Variants in DTX1 observed in about 807,000 individuals in gnomAD.
DTX1 encodes deltex E3 ubiquitin ligase 1.
In DTX1, 26 loss-of-function variants were observed where a neutral mutation model predicts 57.8. The ratio of observed to expected loss-of-function variants is 0.45; its 90% CI spans 0.33 to 0.62. The LOEUF (loss-of-function observed/expected upper bound fraction) is 0.62, where lower values mean the gene tolerates loss of function less well. DTX1 is among the 20% of genes least tolerant of loss of function. The probability of loss-of-function intolerance (pLI) is 0.02; values close to 1 mark genes in which losing one functional copy is unlikely to be tolerated. For synonymous variants in DTX1, 398 were observed against 394.1 expected, an observed-to-expected ratio of 1.01 and a Z score of -0.12; for missense variants, 704 against 895.3, an observed-to-expected ratio of 0.79 and a Z score of 2.73.
chr12:113,058,358 G>C lies in DTX1; in HGVS notation c.166G>C (p.Ala56Pro), dbSNP rs200220437. ...HHIENVLKEDARGSVVLGQVD... is the reference protein window; with the variant it reads ...HHIENVLKEDPRGSVVLGQVD... The stretch of plus-strand genomic sequence containing the variant: ...CATTGAGAACGTGCTGAAGGAGGAC[G>C]CTCGCGGTTCCGTGGTCCTGGGGCA... Residue 56 changes from alanine to proline, a missense_variant, in exon 2 of 10, where the codon GCT (alanine) becomes CCT (proline). Ala to Pro is a conservative substitution (Grantham distance 27). Around this residue, in one of 3 missense-constraint regions of DTX1, gnomAD observed 237 missense variants for 328.6 expected, o/e 0.72. Transcript: ENST00000548759. The C allele has an allele frequency of 6.2e-7, 1 of 1,612,648 alleles. No individual in the cohort carries two copies. Among genetic ancestry groups the C allele is most frequent in the Non-Finnish European group, 8.5e-7 (1 of 1,180,008 alleles).
At chr12:113,064,536 A>T (rs927352961) in intron 2 of DTX1, among the ~76,000 whole-genome samples, 2 of 152,214 alleles carry the variant, frequency 1.3e-5, no homozygotes, top group African/African-American at 4.8e-5. Flanking sequence ...GCAAATGCAT[A>T]TCATGGAAAT....
Position 113,096,892 on chromosome 12 carries a change from G to T in DTX1, c.1816G>T (p.Ala606Ser). The T allele has an allele frequency of 6.2e-7, 1 of 1,613,242 alleles. No homozygotes were observed. The change falls in exon 10 of 10, where the codon GCT (alanine) becomes TCT (serine). Residue 606 changes from alanine to serine, a missense_variant. By Grantham distance (99) the Ala-to-Ser change is moderately conservative. Transcript: ENST00000548759. The part of the protein sequence containing the change: ...PDASYLDNVL[A>S]ELTAQGVSEA... ...CGCTAGCTACCTAGACAACGTGCTGGCTGAGCTCACAGCCCAGGGCGTATC... is the reference window on the plus strand; with the variant it reads ...CGCTAGCTACCTAGACAACGTGCTGTCTGAGCTCACAGCCCAGGGCGTATC...
intron 2 of DTX1, among the ~76,000 whole-genome samples, chr12:113,076,485 C>T (rs1333278286): frequency 6.7e-6 from 1 of 148,570 alleles, no homozygotes; most frequent in Non-Finnish European, 1.5e-5. Context: ...AAAGTGGGGC[C>T]GGTCATGGTG....
chr12:113,077,751 C>G lies in DTX1; in HGVS notation c.587C>G (p.Ser196Trp). 6.5e-7 allele frequency: 1 copy of G among 1,530,500 alleles called. No individual in the cohort carries two copies. Among genetic ancestry groups the G allele is most frequent in the Non-Finnish European group, 8.7e-7 (1 of 1,143,834 alleles). The allele number at this position is 1,530,500 out of a possible 1,614,324, so 94.8% of individuals were successfully genotyped here. A position where few individuals can be genotyped will look rare whatever the true frequency, so the allele number is the denominator to read the frequency against. The change falls in exon 3 of 10, where the codon TCG (serine) becomes TGG (tryptophan). Residue 196 changes from serine (S) to tryptophan (W), a missense_variant. This residue lies in a region of DTX1 where 237 missense variants were observed against 328.6 expected (regional missense o/e 0.72). Coordinates refer to ENST00000548759, the MANE Select transcript of DTX1 (RefSeq NM_004416.3). The surrounding 1 kb of genome is among the most constrained non-coding windows in gnomAD (Gnocchi z 7.8). The stretch of plus-strand genomic sequence containing the variant: ...CAGTCGTGGCCCGTGGGCGCCAGCT[C>G]GGGCCAGCCCTGCTCCTGCCAGCAG... ...KSQSWPVGAS[S>W]GQPCSCQQCL...
intron 2 of DTX1, among the ~76,000 whole-genome samples, chr12:113,076,644 C>CA (rs777328428): frequency 1.2e-4 from 18 of 151,948 alleles, no homozygotes; most frequent in Non-Finnish European, 1.6e-4. Flanking sequence ...TGACTGCAGG[C>CA]ACGAATGAAT....
Position 113,093,615 on chromosome 12 carries a change from G to A in DTX1, c.1080G>A (p.Pro360=), listed in dbSNP as rs760866691. ...GGGCCCCCAAGCCCATCCTGCACCCGCCGCCCGTGAGCAAGAGCGACGTGA... is the reference window on the plus strand; with the variant it reads ...GGGCCCCCAAGCCCATCCTGCACCCACCGCCCGTGAGCAAGAGCGACGTGA... ...LTRAPKPILH[P]PPVSKSDVKP... The change falls in exon 5 of 10, where the codon CCG becomes CCA. Residue 360 remains proline (P), a synonymous_variant. Coordinates refer to ENST00000548759, the MANE Select transcript of DTX1 (RefSeq NM_004416.3). This position sits in a 1 kb window ranked among gnomAD's most constrained non-coding sequence, Gnocchi z 4.2. The A allele has an allele frequency of 9.9e-6, 16 of 1,612,818 alleles. No homozygotes were observed. Among genetic ancestry groups the A allele is most frequent in the South Asian group, 3.3e-5 (3 of 91,038 alleles).
At chr12:113,075,154 A>G (rs2044762643) in intron 2 of DTX1, among the ~76,000 whole-genome samples, 1 of 152,226 alleles carries the variant, frequency 6.6e-6, no homozygotes, top group African/African-American at 2.4e-5. Context: ...GCAGTCTTCT[A>G]TTGCATGTCT....
intron 2 of DTX1, among the ~76,000 whole-genome samples, chr12:113,075,096 T>G (rs1306627510): frequency 6.6e-6 from 1 of 152,144 alleles, no homozygotes; most frequent in Non-Finnish European, 1.5e-5. Flanking sequence ...TCTCAATTGA[T>G]CCTCTCAGCA....
intron 2 of DTX1, among the ~76,000 whole-genome samples, chr12:113,068,754 G>A (rs908691552): frequency 3.3e-5 from 5 of 152,198 alleles, no homozygotes; most frequent in South Asian, 2.1e-4. Flanking sequence ...TCCCCCCGGC[G>A]CCATGTGAGA....
intron 2 of DTX1, among the ~76,000 whole-genome samples, chr12:113,067,490 T>C (rs544912079): frequency 6.6e-6 from 1 of 152,288 alleles, no homozygotes; most frequent in East Asian, 1.9e-4. Context: ...AGGCTGCAAA[T>C]TCAGATGCTT....
rs139652234 is a variant in DTX1 at position 113,086,727 on chromosome 12, A to G, written c.942-6435A>G. ...AAAAATCCACATTTTCTTTCTCCAG[A>G]TCTTCCATAAGTATTACATTTCAGG... On this transcript the variant is annotated intron_variant, in intron 3 of 9. Transcript: ENST00000548759. Among the ~76,000 whole-genome samples the G allele has an allele frequency of 4.3e-3, 646 of 151,864 alleles. 5 individuals carry two copies. Among genetic ancestry groups the G allele is most frequent in the African/African-American group, 0.015 (602 of 41,372 alleles).
Position 113,096,912 on chromosome 12 carries a change from C to T in DTX1, c.1836C>T (p.Gly612=), listed in dbSNP as rs748466176. The part of the protein sequence containing the change: ...DNVLAELTAQ[G]VSEAAAKA ...TGCTGGCTGAGCTCACAGCCCAGGG[C>T]GTATCCGAGGCTGCAGCCAAGGCTT... Residue 612 remains glycine (G), a synonymous_variant, in exon 10 of 10, where the codon GGC becomes GGT. Coordinates refer to ENST00000548759, the MANE Select transcript of DTX1 (RefSeq NM_004416.3). 5.0e-6 allele frequency: 8 copies of T among 1,612,146 alleles called. No individual in the cohort carries two copies. The highest frequency in any genetic ancestry group is 1.3e-5 in the African/African-American group (1 of 74,934).
chr12:113,083,809 C>A (rs1372580621), intron 3 of DTX1, among the ~76,000 whole-genome samples: 1 of 152,104 alleles, frequency 6.6e-6, no homozygotes, highest in Non-Finnish European at 1.5e-5. Flanking sequence ...TCCTTCTGTC[C>A]ACCCTCCTTC....
At chr12:113,062,055 AC>A (rs2044668415) in intron 2 of DTX1, among the ~76,000 whole-genome samples, 1 of 151,912 alleles carries the variant, frequency 6.6e-6, no homozygotes, top group Non-Finnish European at 1.5e-5. Flanking sequence ...ACACACACAC[AC>A]ACACACACAC....
In DTX1 at chr12:113,097,018, C is replaced by T; in HGVS notation, c.*79C>T. The T allele has an allele frequency of 6.9e-7, 1 of 1,457,192 alleles. No homozygotes were observed. The allele number at this position is 1,457,192 out of a possible 1,614,324, so 90.3% of individuals were successfully genotyped here. On this transcript the variant is annotated 3_prime_UTR_variant, in exon 10 of 10. Coordinates refer to ENST00000548759, the MANE Select transcript of DTX1 (RefSeq NM_004416.3). Reference sequence around the variant, plus strand: ...TCCTTCGCCAGGTGTGTCCTGGTAGCCCAGGTTCAGGGCTGGGGAGGAGCC... The same window carrying T: ...TCCTTCGCCAGGTGTGTCCTGGTAGTCCAGGTTCAGGGCTGGGGAGGAGCC...
intron 2 of DTX1, among the ~76,000 whole-genome samples, chr12:113,070,462 T>C (rs1197397129): frequency 6.7e-6 from 1 of 150,146 alleles, no homozygotes; most frequent in African/African-American, 2.5e-5. Flanking sequence ...AAGGGAGGGG[T>C]TCCCTGCTGG....
rs575950489 is a variant in DTX1 at position 113,093,505 on chromosome 12, G to GC, written c.1004-30dup. The GC allele has an allele frequency of 2.6e-6, 4 of 1,551,190 alleles. No homozygotes were observed. In the South Asian group the frequency reaches 3.6e-5, roughly 14 times the overall value. ...GGTCGGGGGTTTGGGCGGGGATGGC[G>GC]CCCCGCCCTGTGACTGCGCCCCCTA... On this transcript the variant is annotated intron_variant, in intron 4 of 9. Transcript: ENST00000548759. The surrounding 1 kb of genome is among the most constrained non-coding windows in gnomAD (Gnocchi z 4.2).
Position 113,077,995 on chromosome 12 carries a change from A to G in DTX1, c.831A>G (p.Pro277=), listed in dbSNP as rs972390216. 91 of 1,083,494 alleles carry G rather than the reference A, an allele frequency of 8.4e-5. No homozygotes were observed. Among genetic ancestry groups the G allele is most frequent in the Middle Eastern group, 4.1e-4 (1 of 2,428 alleles). 67.1% of individuals were successfully genotyped at this position (1,083,494 alleles called of 1,614,324 possible). A position where few individuals can be genotyped will look rare whatever the true frequency, so the allele number is the denominator to read the frequency against. ...AEPAPPPGAP[P]RSPGAPGGAR... is the part of the protein sequence containing the mutation. ...CCGCGCCGCCTCCCGGGGCGCCCCC[A>G]CGGAGCCCGGGCGCCCCCGGCGGAG... Residue 277 remains proline, a synonymous_variant, in exon 3 of 10, where the codon CCA becomes CCG. Coordinates refer to ENST00000548759, the MANE Select transcript of DTX1 (RefSeq NM_004416.3). The surrounding 1 kb of genome is among the most constrained non-coding windows in gnomAD (Gnocchi z 7.8).
chr12:113,095,016 A>G, intron 7 of DTX1, 26 bp from the exon 8 acceptor site: 1 of 1,603,670 alleles, frequency 6.2e-7, no homozygotes, highest in Non-Finnish European at 8.5e-7. Flanking sequence ...GGTGCTGGGA[A>G]CTCACTGCCA....
Sources: gnomAD v4.1 joint callset for allele counts (sites outside exome capture counted in the v4.1 genomes callset) on GRCh38, gnomAD v4.1.1 for gene constraint, gnomAD v4.1.1 regional missense constraint, Gnocchi (gnomAD v3.1) non-coding constraint, MANE v1.5 for transcripts, NCBI Gene and HGNC (gene_info 2026-07-23, HGNC 2026-07-21) for gene names.